CTNNA2: variants seen among roughly 807,000 people sequenced by gnomAD.
CTNNA2 encodes the protein catenin alpha 2.
A neutral mutation model predicts 101.0 loss-of-function variants in CTNNA2; 42 were observed. The observed-to-expected ratio is 0.42, with a 90% CI of 0.32 to 0.54. The LOEUF is 0.54. CTNNA2 is among the 20% of genes least tolerant of loss of function. The pLI, the probability that CTNNA2 is intolerant of heterozygous loss-of-function variation, is 0.14. For missense variants in CTNNA2, 871 were observed against 1,223.1 expected (o/e 0.71, Z 4.29); for synonymous variants, 450 against 456.4 (o/e 0.99, Z 0.18).
chr2:79,482,032 G>A (rs1023286721), intron 4 of CTNNA2, among the ~76,000 whole-genome samples: 5 of 152,132 alleles, frequency 3.3e-5, no homozygotes, highest in African/African-American at 1.2e-4. Flanking sequence ...AACAGACTGT[G>A]TTGTGGCATA....
In CTNNA2 at chr2:79,521,375, A is replaced by G. The variant is rs895067112; in HGVS notation, c.-6+8168A>G. On this transcript the variant is annotated intron_variant, in intron 1 of 18. Coordinates refer to ENST00000402739, the MANE Select transcript of CTNNA2 (RefSeq NM_001282597.3). ...TGATCACTTCTTTAGTTCCTAGCAC[A>G]CCGTCATGCAGCAGCAGCGTCTCTT... Among the ~76,000 whole-genome samples the G allele has an allele frequency of 7.2e-5, 11 of 151,894 alleles. No individual in the cohort carries two copies. The South Asian group carries it at 2.3e-3, about 32-fold the overall frequency.
At chr2:79,511,663 A>T (rs1671545350), upstream of CTNNA2, among the ~76,000 whole-genome samples, 1 of 152,194 alleles carries the variant, frequency 6.6e-6, no homozygotes, top group Non-Finnish European at 1.5e-5. Flanking sequence ...AGATATTGGG[A>T]GAGAAAGATA....
intron 7 of CTNNA2, among the ~76,000 whole-genome samples, chr2:80,182,178 C>T (rs960016609): frequency 6.6e-6 from 1 of 152,196 alleles, no homozygotes; most frequent in Non-Finnish European, 1.5e-5. Flanking sequence ...GACAGTGCAG[C>T]CCTTAGTCTG....
At chr2:79,948,243 G>C (rs1400329770) in intron 7 of CTNNA2, among the ~76,000 whole-genome samples, 1 of 152,184 alleles carries the variant, frequency 6.6e-6, no homozygotes, top group Non-Finnish European at 1.5e-5. Context: ...TGCATACAAA[G>C]GATGCTCACA....
intron 1 of CTNNA2, among the ~76,000 whole-genome samples, chr2:79,190,523 C>T (rs1458532001): frequency 6.6e-6 from 1 of 152,030 alleles, no homozygotes; most frequent in African/African-American, 2.4e-5. Flanking sequence ...GTTTTCTTTC[C>T]TTTTCAATAA....
At chr2:79,260,621 C>A (rs1041675148) in intron 2 of CTNNA2, among the ~76,000 whole-genome samples, 2 of 152,076 alleles carry the variant, frequency 1.3e-5, no homozygotes, top group Non-Finnish European at 2.9e-5. Context: ...CATTCGTTAT[C>A]CCCATAGACA....
chr2:79,836,294 G>A (rs1296790783), intron 3 of CTNNA2, among the ~76,000 whole-genome samples: 1 of 152,200 alleles, frequency 6.6e-6, no homozygotes, highest in East Asian at 1.9e-4. Flanking sequence ...CTGGTCCCTA[G>A]ATGACTAAAC....
chr2:79,589,992 C>T (rs1470592859), intron 1 of CTNNA2, among the ~76,000 whole-genome samples: 1 of 152,092 alleles, frequency 6.6e-6, no homozygotes, highest in Non-Finnish European at 1.5e-5. Context: ...CTTTGTTTTC[C>T]GTAATTGTTA....
chr2:79,961,821 CAAAAAAAA>C (rs35063153), intron 7 of CTNNA2, among the ~76,000 whole-genome samples: 2 of 86,832 alleles, frequency 2.3e-5, no homozygotes, highest in African/African-American at 9.1e-5. Context: ...GACTCCGTCT[CAAAAAAAA>C]AAAAAAAAAA....
intron 2 of CTNNA2, among the ~76,000 whole-genome samples, chr2:79,295,522 CT>C (rs1038375706): frequency 1.6e-4 from 23 of 147,208 alleles, no homozygotes; most frequent in Admixed American, 2.7e-4. Context: ...TTCTTTCTTT[CT>C]TTTTTTTTTA....
intron 2 of CTNNA2, among the ~76,000 whole-genome samples, chr2:79,738,441 C>T (rs1421574000): frequency 6.6e-6 from 1 of 152,120 alleles, no homozygotes; most frequent in Non-Finnish European, 1.5e-5. Flanking sequence ...ACAGCTAATA[C>T]AACAGTTCTG....
At chr2:79,904,071 GC>G (rs1235618993) in intron 6 of CTNNA2, among the ~76,000 whole-genome samples, 2 of 151,930 alleles carry the variant, frequency 1.3e-5, no homozygotes, top group African/African-American at 4.8e-5. Flanking sequence ...CATCTGCATT[GC>G]CCCTTCCTGC....
intron 2 of CTNNA2, among the ~76,000 whole-genome samples, chr2:79,715,943 G>A (rs1386968454): frequency 6.6e-6 from 1 of 151,912 alleles, no homozygotes; most frequent in Non-Finnish European, 1.5e-5. Context: ...CTGACAAAGT[G>A]CAATCACGAT....
intron 7 of CTNNA2, among the ~76,000 whole-genome samples, chr2:80,263,315 A>C (rs1672758347): frequency 6.6e-6 from 1 of 152,150 alleles, no homozygotes; most frequent in Non-Finnish European, 1.5e-5. Flanking sequence ...GAAGAGACAA[A>C]ATTTTGTGAA....
intron 2 of CTNNA2, among the ~76,000 whole-genome samples, chr2:79,202,507 T>A (rs1674050415): frequency 6.6e-6 from 1 of 152,056 alleles, no homozygotes; most frequent in Non-Finnish European, 1.5e-5. Context: ...TTTTAGTTGT[T>A]CTTAGAAGAA....
At chr2:79,822,186 T>G (rs940723769) in intron 3 of CTNNA2, among the ~76,000 whole-genome samples, 1 of 79,966 alleles carries the variant, frequency 1.3e-5, no homozygotes, top group South Asian at 2.8e-4. Flanking sequence ...ATTCCAACGG[T>G]TTTTTTTTTT....
intron 12 of CTNNA2, among the ~76,000 whole-genome samples, chr2:80,556,307 C>T (rs747793329): frequency 3.3e-5 from 5 of 152,146 alleles, no homozygotes; most frequent in Non-Finnish European, 7.3e-5. Flanking sequence ...TGTAATTTAA[C>T]CTTTTCTTCA....
intron 3 of CTNNA2, among the ~76,000 whole-genome samples, chr2:79,348,759 C>T (rs1677318718): frequency 6.6e-6 from 1 of 152,164 alleles, no homozygotes; most frequent in African/African-American, 2.4e-5. Flanking sequence ...TATTTGCCTC[C>T]ATCTTCCCCT....
intron 7 of CTNNA2, among the ~76,000 whole-genome samples, chr2:80,330,492 C>CT (rs551097426): frequency 1.0e-3 from 144 of 140,178 alleles, no homozygotes; most frequent in Non-Finnish European, 1.8e-3. Context: ...ACTGCATCTA[C>CT]TTTTTTCTTT....
Sources: allele counts gnomAD v4.1 joint callset (sites outside exome capture counted in the v4.1 genomes callset), GRCh38; gene constraint gnomAD v4.1.1; transcripts MANE v1.5; gene names NCBI Gene and HGNC (gene_info 2026-07-23, HGNC 2026-07-21).